Variants in STAU2 observed in about 807,000 individuals in gnomAD.
The protein encoded by STAU2 is double-stranded RNA-binding protein Staufen homolog 2.
Under a neutral mutation model 65.9 loss-of-function variants are expected in STAU2, and 20 were observed. The observed-to-expected ratio is 0.30, with a 90% confidence interval of 0.21 to 0.44. STAU2 has a LOEUF of 0.44. Ranked by LOEUF, STAU2 falls within the 20% of genes least tolerant of loss-of-function variation. STAU2 has a pLI of 1.00. For missense variants in STAU2, 558 were observed against 683.9 expected (o/e 0.82, Z 2.05); for synonymous variants, 232 against 233.9 (o/e 0.99, Z 0.07).
chr8:73,583,111 A>G (rs1414107296), intron 11 of STAU2, among the ~76,000 whole-genome samples: 2 of 152,048 alleles, frequency 1.3e-5, no homozygotes, highest in African/African-American at 4.8e-5. Flanking sequence ...ATGTATTATT[A>G]GAATGTAAGC....
chr8:73,529,268 G>GA (rs1805645610), intron 13 of STAU2, among the ~76,000 whole-genome samples: 1 of 152,136 alleles, frequency 6.6e-6, no homozygotes, highest in African/African-American at 2.4e-5. Flanking sequence ...GGGGAAAAAT[G>GA]AAACTTATCA....
At chr8:73,717,631 G>GTTA (rs1309899522) in intron 3 of STAU2, among the ~76,000 whole-genome samples, 1 of 148,512 alleles carries the variant, frequency 6.7e-6, no homozygotes, top group Non-Finnish European at 1.5e-5. Context: ...TTTTGTTGTT[G>GTTA]TTGTTGTTGT....
intron 13 of STAU2, among the ~76,000 whole-genome samples, chr8:73,437,130 C>CTAG (rs1817762360): frequency 6.6e-6 from 1 of 152,116 alleles, no homozygotes; most frequent in South Asian, 2.1e-4. Context: ...CCTTTAAGAT[C>CTAG]TAGGAGTTCT....
intron 13 of STAU2, among the ~76,000 whole-genome samples, chr8:73,442,327 CT>C (rs1818213577): frequency 7.3e-6 from 1 of 137,258 alleles, no homozygotes; most frequent in Non-Finnish European, 1.5e-5. Flanking sequence ...GCGCTCCAGC[CT>C]GGGCGACAGA....
chr8:73,421,381 C>G lies in STAU2; in HGVS notation c.1704G>C (p.Ser568=). The G allele has an allele frequency of 2.6e-6, 4 of 1,537,226 alleles. No individual in the cohort carries two copies. The highest frequency in any genetic ancestry group is 2.4e-5 in the South Asian group (2 of 84,062). The change falls in exon 15 of 15, where the codon TCG becomes TCC. Residue 568 remains serine, a synonymous_variant. Coordinates refer to ENST00000524300, the MANE Select transcript of STAU2 (RefSeq NM_001164380.2). ...CGGGTTCTGGGAGCTGCTAGACGGC[C>G]GAGTTTGATTTCTTGCAGTCCTGAG... ...SIAQDCKKSN[S]AV is the part of the protein sequence containing the mutation.
intron 6 of STAU2, chr8:73,672,269 T>C (rs973617539): frequency 6.6e-6 from 1 of 151,886 alleles, no homozygotes. Flanking sequence ...ACTGTATGAG[T>C]CTAGATATAA....
At position 73,694,204 on chromosome 8, in the gene STAU2, C is replaced by A. The variant is rs1819545897; in HGVS notation, c.115-5391G>T. Among the ~76,000 whole-genome samples the A allele has an allele frequency of 2.0e-5, 3 of 152,192 alleles. No individual in the cohort carries two copies. The South Asian group carries it at 6.2e-4, about 32-fold the overall frequency. ...ACAGCTTAAATAAATGAAGCAAAAA[C>A]TGACAAAACTTAAACTATAAAATTG... On this transcript the variant is annotated intron_variant, in intron 4 of 14. Coordinates refer to ENST00000524300, the MANE Select transcript of STAU2 (RefSeq NM_001164380.2).
chr8:73,466,771 C>A (rs1819678365), intron 13 of STAU2, among the ~76,000 whole-genome samples: 1 of 152,220 alleles, frequency 6.6e-6, no homozygotes, highest in Non-Finnish European at 1.5e-5. Context: ...TGTAAGCCCT[C>A]CACTGACTCG....
chr8:73,710,355 G>C (rs1199212996), intron 3 of STAU2, among the ~76,000 whole-genome samples: 1 of 149,470 alleles, frequency 6.7e-6, no homozygotes, highest in African/African-American at 2.5e-5. Context: ...CTCCCAAGTA[G>C]CTGAATTACA....
At chr8:73,425,119 A>C (rs1022685426) in intron 13 of STAU2, among the ~76,000 whole-genome samples, 2 of 152,160 alleles carry the variant, frequency 1.3e-5, no homozygotes, top group African/African-American at 4.8e-5. Context: ...TATAGGTCGA[A>C]TTGTGCTCTT....
rs1420259902 is a variant in STAU2, at chr8:73,688,716, G to T, written c.212C>A (p.Thr71Asn). The T allele has an allele frequency of 6.2e-7, 1 of 1,614,172 alleles. No homozygotes were observed. The highest frequency in any genetic ancestry group is 1.7e-5 in the Admixed American group (1 of 60,014). ...AQQAVANKAL[T>N]ESTLPKPVQK... Reference sequence around the variant, plus strand: ...AACTGGTTTGGGAAGCGTAGATTCAGTCAAAGCTTTATTGGCAACAGCCTG... The same window carrying T: ...AACTGGTTTGGGAAGCGTAGATTCATTCAAAGCTTTATTGGCAACAGCCTG... Residue 71 changes from threonine to asparagine, a missense_variant, in exon 5 of 15, where the codon ACT (threonine) becomes AAT (asparagine). Physicochemically the swap from Thr to Asn is moderately conservative, Grantham distance 65 (BLOSUM62 0). Coordinates refer to ENST00000524300, the MANE Select transcript of STAU2 (RefSeq NM_001164380.2).
At chr8:73,549,241 T>C (rs957718584) in intron 13 of STAU2, among the ~76,000 whole-genome samples, 1 of 152,180 alleles carries the variant, frequency 6.6e-6, no homozygotes, top group Non-Finnish European at 1.5e-5. Flanking sequence ...ACAGAACTAC[T>C]GAATAAAACA....
In STAU2 at chr8:73,722,175, C is replaced by T. The variant is rs558183416; in HGVS notation, c.-17-13013G>A. 7.7e-4 allele frequency among the ~76,000 whole-genome samples: 117 copies of T among 152,262 alleles called. 1 individual carries two copies. The highest frequency in any genetic ancestry group is 2.7e-3 in the African/African-American group (112 of 41,560). ...AAAAGAATCTTATAACAGTATACCTCCATTTCTCCCTCCCTGCCTTTTAGC... is the reference window on the plus strand; with the variant it reads ...AAAAGAATCTTATAACAGTATACCTTCATTTCTCCCTCCCTGCCTTTTAGC... On this transcript the variant is annotated intron_variant, in intron 3 of 14. Transcript: ENST00000524300.
chr8:73,527,798 AG>A (rs1168339382), intron 13 of STAU2: 1 of 1,536,286 alleles, frequency 6.5e-7, no homozygotes, highest in African/African-American at 1.4e-5. Context: ...CTATCACAGT[AG>A]TGAACCTATA....
chr8:73,428,093 C>T (rs995611589), intron 13 of STAU2, among the ~76,000 whole-genome samples: 10 of 152,208 alleles, frequency 6.6e-5, no homozygotes, highest in Admixed American at 5.9e-4. Flanking sequence ...TTTTATCTGA[C>T]TGAGACTTTG....
At chr8:73,474,806 T>A (rs923345636) in intron 13 of STAU2, among the ~76,000 whole-genome samples, 1 of 152,128 alleles carries the variant, frequency 6.6e-6, no homozygotes, top group African/African-American at 2.4e-5. Flanking sequence ...GTCTCCTCAA[T>A]AGAATTGGGT....
chr8:73,604,502 A>G (rs540444526), intron 9 of STAU2, among the ~76,000 whole-genome samples: 21 of 152,248 alleles, frequency 1.4e-4, no homozygotes, highest in Admixed American at 1.2e-3. Context: ...AAGTGCTGGG[A>G]TTACAGGTGT....
At chr8:73,698,140 C>G (rs1365320478) in intron 4 of STAU2, among the ~76,000 whole-genome samples, 1 of 151,434 alleles carries the variant, frequency 6.6e-6, no homozygotes, top group Non-Finnish European at 1.5e-5. Context: ...AACCTCAAAT[C>G]AAAAAACATA....
intron 13 of STAU2, among the ~76,000 whole-genome samples, chr8:73,546,230 G>T (rs1181132385): frequency 7.2e-6 from 1 of 138,988 alleles, no homozygotes; most frequent in Non-Finnish European, 1.5e-5. Flanking sequence ...GCCTCCCAAA[G>T]TACTGGGATT....
Sources: allele counts gnomAD v4.1 joint callset (sites outside exome capture counted in the v4.1 genomes callset), GRCh38; gene constraint gnomAD v4.1.1; transcripts MANE v1.5; gene names NCBI Gene and HGNC (gene_info 2026-07-23, HGNC 2026-07-21).